NME2: variants seen among roughly 807,000 people sequenced by gnomAD.
NME2 encodes the protein nucleoside diphosphate kinase B.
In NME2, 18 loss-of-function variants were observed where a neutral mutation model predicts 17.8. That is an observed-to-expected ratio of 1.01 (90% CI 0.70 to 1.50). The LOEUF is 1.50. NME2 is among the 40% of genes most tolerant of loss of function. NME2 has a pLI of 0.00. For synonymous variants in NME2, 74 were observed against 71.4 expected (o/e 1.04, Z -0.19); for missense variants, 161 against 195.6 (o/e 0.82, Z 1.05).
rs2049988758 is a variant in NME2, at chr17:51,168,237, G to C, written c.127-5G>C. On this transcript the variant is annotated splice_region_variant and splice_polypyrimidine_tract_variant and intron_variant, in intron 2 of 4. Coordinates refer to ENST00000512737, the MANE Select transcript of NME2 (RefSeq NM_002512.4). Reference sequence around the variant, plus strand: ...TCCTAACTGGTGCCTCCTCTCCAATGCCAGGCCTCTGAAGAACACCTGAAG... The same window carrying C: ...TCCTAACTGGTGCCTCCTCTCCAATCCCAGGCCTCTGAAGAACACCTGAAG... 2 of 1,613,482 alleles carry C rather than the reference G, an allele frequency of 1.2e-6. No individual in the cohort carries two copies. The highest frequency in any genetic ancestry group is 2.2e-5 in the South Asian group (2 of 91,056).
In NME2 at chr17:51,168,261, A is replaced by G. The variant is rs761801862; in HGVS notation, c.146A>G (p.Lys49Arg). The change falls in exon 3 of 5, where the codon AAG becomes AGG. Residue 49 changes from lysine to arginine, a missense_variant. Transcript: ENST00000512737. ...KFLRASEEHL[K>R]QHYIDLKDRP... ...TGCCAGGCCTCTGAAGAACACCTGAAGCAGCACTACATTGACCTGAAAGAC... is the reference window on the plus strand; with the variant it reads ...TGCCAGGCCTCTGAAGAACACCTGAGGCAGCACTACATTGACCTGAAAGAC... The G allele has an allele frequency of 1.8e-5, 29 of 1,613,958 alleles. No homozygotes were observed. The East Asian group carries it at 3.1e-4, about 17-fold the overall frequency.
upstream of NME2, chr17:51,165,773 TC>T (rs2049924001): frequency 6.6e-6 from 1 of 152,242 alleles, no homozygotes; most frequent in Non-Finnish European, 1.5e-5. Flanking sequence ...GAGCAGGGCA[TC>T]CTGCGAGAAG....
intron 3 of NME2, 40 bp downstream of exon 3, chr17:51,168,383 T>G: frequency 6.2e-7 from 1 of 1,600,012 alleles, no homozygotes; most frequent in Non-Finnish European, 8.6e-7. Flanking sequence ...GAGGAAAAAG[T>G]GCTCAGTGTT....
rs537521818 is a variant in NME2, at chr17:51,167,845, T to C, written c.127-397T>C. ...AAATAAATAAATAAATAAAAATTAA[T>C]TGGGCATGGTTGAGTGCATCTGTAG... On this transcript the variant is annotated intron_variant, in intron 2 of 4. Coordinates refer to ENST00000512737, the MANE Select transcript of NME2 (RefSeq NM_002512.4). Among the ~76,000 whole-genome samples the C allele has an allele frequency of 7.8e-4, 118 of 152,172 alleles. 1 individual carries two copies. Among genetic ancestry groups the C allele is most frequent in the African/African-American group, 2.7e-3 (111 of 41,512 alleles).
chr17:51,171,618 CA>C lies in NME2; in HGVS notation c.*15del, dbSNP rs1232572251. 5.0e-6 allele frequency: 8 copies of C among 1,593,686 alleles called. No homozygotes were observed. The East Asian group carries it at 1.8e-4, about 36-fold the overall frequency. ...GTCTATGAATAAGAGGTGGACACAA[CA>C]GCAGTCTCCTTCAGCACGGCGTGGT... On this transcript the variant is annotated 3_prime_UTR_variant, in exon 5 of 5. Transcript: ENST00000512737.
intron 4 of NME2, 93 bp downstream of exon 4, chr17:51,170,142 CTTTT>C (rs112707943): frequency 1.5e-3 from 926 of 612,456 alleles, no homozygotes; most frequent in East Asian, 2.0e-3. Context: ...AATCTGTGCC[CTTTT>C]TTTTTTTTTT....
At chr17:51,166,617 G>C (rs1305865321) in intron 1 of NME2, 120 bp downstream of exon 1, 3 of 352,240 alleles carry the variant, frequency 8.5e-6, no homozygotes, top group Non-Finnish European at 1.4e-5. Flanking sequence ...GCGCGGCGTC[G>C]GAGCGGGAGA....
At chr17:51,168,213 C>G (rs1383261655) in intron 2 of NME2, 29 bp from the exon 3 acceptor site, 3 of 1,611,718 alleles carry the variant, frequency 1.9e-6, no homozygotes, top group East Asian at 2.2e-5. Context: ...CAGCTTAGCT[C>G]CTAACTGGTG....
At chr17:51,165,889 C>G (rs972764529), upstream of NME2, 1 of 152,228 alleles carries the variant, frequency 6.6e-6, no homozygotes, top group African/African-American at 2.4e-5. Flanking sequence ...GCAAAGCTCC[C>G]GGTTTGCGCG....
intron 4 of NME2, among the ~76,000 whole-genome samples, chr17:51,170,816 A>G (rs1214980696): frequency 1.3e-5 from 2 of 151,678 alleles, no homozygotes; most frequent in African/African-American, 4.8e-5. Context: ...GCTTTCACAC[A>G]TAGCTTCTTC....
intron 2 of NME2, 193 bp downstream of exon 2, chr17:51,167,149 A>G (rs2049962277): frequency 1.6e-6 from 2 of 1,256,256 alleles, no homozygotes; most frequent in Middle Eastern, 2.8e-4. Context: ...CGCCCTTGGG[A>G]AGGTGAAGCG....
intron 3 of NME2, chr17:51,169,439 C>CAAA (rs35598805): frequency 5.0e-5 from 5 of 99,138 alleles, no homozygotes; most frequent in Non-Finnish European, 6.2e-5. Context: ...GACTCTGTCT[C>CAAA]AAAAAAAAAA....
rs369157238 is a variant in NME2, at chr17:51,168,367, G to T, written c.228+24G>T. On this transcript the variant is annotated intron_variant, in intron 3 of 4. Coordinates refer to ENST00000512737, the MANE Select transcript of NME2 (RefSeq NM_002512.4). ...TGGTGAGTGCTCGTGGGGAATGAGAGAAAATGAGGAAAAAGTGCTCAGTGT... is the reference window on the plus strand; with the variant it reads ...TGGTGAGTGCTCGTGGGGAATGAGATAAAATGAGGAAAAAGTGCTCAGTGT... 5 of 1,607,294 alleles carry T rather than the reference G, an allele frequency of 3.1e-6. No individual in the cohort carries two copies. The African/African-American group carries it at 5.4e-5, about 17-fold the overall frequency.
At chr17:51,168,158 C>T in intron 2 of NME2, 84 bp from the exon 3 acceptor site, 2 of 1,313,554 alleles carry the variant, frequency 1.5e-6, no homozygotes, top group South Asian at 1.3e-5. Context: ...GAATATAAAA[C>T]CGGACTTGCT....
At chr17:51,170,422 G>A (rs1274712352) in intron 4 of NME2, among the ~76,000 whole-genome samples, 2 of 151,898 alleles carry the variant, frequency 1.3e-5, no homozygotes, top group Non-Finnish European at 2.9e-5. Context: ...TTACAGACAT[G>A]AGCCACCGCA....
In NME2 at chr17:51,171,628, C is replaced by T. The variant is rs758305680; in HGVS notation, c.*24C>T. The T allele has an allele frequency of 8.9e-6, 14 of 1,569,594 alleles. No individual in the cohort carries two copies. Among genetic ancestry groups the T allele is most frequent in the South Asian group, 6.7e-5 (6 of 89,782 alleles). On this transcript the variant is annotated 3_prime_UTR_variant, in exon 5 of 5. Coordinates refer to ENST00000512737, the MANE Select transcript of NME2 (RefSeq NM_002512.4). ...AAGAGGTGGACACAACAGCAGTCTC[C>T]TTCAGCACGGCGTGGTGTGTCCCTG...
intron 4 of NME2, 92 bp downstream of exon 4, chr17:51,170,141 CCT>C: frequency 3.2e-6 from 3 of 942,488 alleles, no homozygotes; most frequent in Non-Finnish European, 4.4e-6. Context: ...GAATCTGTGC[CCT>C]TTTTTTTTTT....
Position 51,168,258 on chromosome 17 carries a change from T to A in NME2, c.143T>A (p.Leu48Gln). The A allele has an allele frequency of 5.6e-6, 9 of 1,613,842 alleles. No individual in the cohort carries two copies. The highest frequency in any genetic ancestry group is 7.6e-6 in the Non-Finnish European group (9 of 1,179,832). ...MKFLRASEEH[L>Q]KQHYIDLKDR... ...CAATGCCAGGCCTCTGAAGAACACC[T>A]GAAGCAGCACTACATTGACCTGAAA... is the stretch of plus-strand genomic sequence containing the variant. The change falls in exon 3 of 5, where the codon CTG becomes CAG. Residue 48 changes from leucine (L) to glutamine (Q), a missense_variant. Leu to Gln is a moderately radical substitution (Grantham distance 113, BLOSUM62 -2). Transcript: ENST00000512737.
rs958447740 is a variant in NME2 at position 51,171,471 on chromosome 17, T to C, written c.342-16T>C. ...CACTTTAAAACATGGCAACTTGTAA[T>C]TGTTTTCTTTCTTAGGAACATCATT... On this transcript the variant is annotated splice_polypyrimidine_tract_variant and intron_variant, in intron 4 of 4. Transcript: ENST00000512737. 5.6e-6 allele frequency: 9 copies of C among 1,609,836 alleles called. No homozygotes were observed. The highest frequency in any genetic ancestry group is 7.6e-6 in the Non-Finnish European group (9 of 1,176,722).
Sources: allele counts gnomAD v4.1 joint callset (sites outside exome capture counted in the v4.1 genomes callset), GRCh38; gene constraint gnomAD v4.1.1; transcripts MANE v1.5; gene names NCBI Gene and HGNC (gene_info 2026-07-23, HGNC 2026-07-21).